Variants in FAM13C observed in about 807,000 individuals in gnomAD.
FAM13C encodes protein FAM13C.
A neutral mutation model predicts 73.2 loss-of-function variants in FAM13C; 37 were observed. The ratio of observed to expected loss-of-function variants is 0.51; its 90% CI spans 0.39 to 0.67. The LOEUF (loss-of-function observed/expected upper bound fraction) is 0.67, where lower values mean the gene tolerates loss of function less well. Among genes scored for constraint, FAM13C ranks in the 30% least tolerant of loss-of-function variants. FAM13C has a pLI of 0.00. For synonymous variants in FAM13C, 246 were observed against 260.9 expected, an observed-to-expected ratio of 0.94 and a Z score of 0.55; for missense variants, 589 against 715.6, an observed-to-expected ratio of 0.82 and a Z score of 2.02.
At chr10:59,274,129 GC>G (rs1056264892) in intron 6 of FAM13C, among the ~76,000 whole-genome samples, 2 of 152,154 alleles carry the variant, frequency 1.3e-5, no homozygotes, top group Non-Finnish European at 2.9e-5. Flanking sequence ...TTCTCAACCA[GC>G]CTCTCTCAGG....
rs1217412470 is a variant in FAM13C at position 59,247,667 on chromosome 10, G to A, written c.1705C>T (p.Leu569=). The A allele has an allele frequency of 1.2e-6, 2 of 1,613,412 alleles. No homozygotes were observed. The highest frequency in any genetic ancestry group is 1.7e-6 in the Non-Finnish European group (2 of 1,179,634). ...YYEYKHIKAK[L]RLLEVLISKQ... is the part of the protein sequence containing the mutation. ...CTGATGAGGACCTCTAATAGTCTCA[G>A]TTTGGCTTTTATGTGCTTATATTCA... Residue 569 remains leucine (L), a synonymous_variant, in exon 14 of 14, where the codon CTG becomes TTG. Coordinates refer to ENST00000618804, the MANE Select transcript of FAM13C (RefSeq NM_198215.4).
At chr10:59,290,697 C>T (rs1269895414) in intron 5 of FAM13C, among the ~76,000 whole-genome samples, 2 of 152,158 alleles carry the variant, frequency 1.3e-5, no homozygotes, top group Non-Finnish European at 1.5e-5. Context: ...ACAAGGCTCG[C>T]CACATTATGT....
chr10:59,332,281 T>C (rs915363880), intron 3 of FAM13C, among the ~76,000 whole-genome samples: 1 of 152,176 alleles, frequency 6.6e-6, no homozygotes, highest in African/African-American at 2.4e-5. Flanking sequence ...AGTTATGGTT[T>C]TTTTATGTGG....
At chr10:59,252,725 C>T in intron 12 of FAM13C, 74 bp downstream of exon 12, 1 of 1,472,366 alleles carries the variant, frequency 6.8e-7, no homozygotes, top group Non-Finnish European at 9.5e-7. Flanking sequence ...TTTCAAAGGC[C>T]AGCTCTACTT....
chr10:59,271,121 C>T (rs1843674047), intron 6 of FAM13C, among the ~76,000 whole-genome samples: 2 of 152,200 alleles, frequency 1.3e-5, no homozygotes, highest in Non-Finnish European at 2.9e-5. Flanking sequence ...AGCCCAGTCT[C>T]CTTCTCAAGT....
intron 4 of FAM13C, among the ~76,000 whole-genome samples, chr10:59,307,996 T>G (rs1848455608): frequency 6.6e-6 from 1 of 152,200 alleles, no homozygotes; most frequent in African/African-American, 2.4e-5. Flanking sequence ...TTAACGATAC[T>G]GCTTGAACCA....
intron 5 of FAM13C, among the ~76,000 whole-genome samples, chr10:59,287,459 A>T (rs1845736341): frequency 6.6e-6 from 1 of 150,966 alleles, no homozygotes; most frequent in African/African-American, 2.4e-5. Flanking sequence ...TTCTTTCTTT[A>T]ACTTTACCTT....
At chr10:59,362,256 G>C in intron 1 of FAM13C, 143 bp downstream of exon 1, 1 of 1,163,828 alleles carries the variant, frequency 8.6e-7, no homozygotes, top group South Asian at 1.4e-5. Flanking sequence ...CAGTCAGCAC[G>C]TCTCACGGTC....
At chr10:59,356,769 G>A (rs533408007) in intron 1 of FAM13C, among the ~76,000 whole-genome samples, 2 of 152,324 alleles carry the variant, frequency 1.3e-5, no homozygotes, top group South Asian at 2.1e-4. Context: ...GTGTGTCTGT[G>A]AGGGTGTTGC....
Position 59,346,786 on chromosome 10 carries a change from C to T in FAM13C, c.324+5484G>A, listed in dbSNP as rs536482141. Among the ~76,000 whole-genome samples the T allele has an allele frequency of 2.0e-5, 3 of 152,196 alleles. No individual in the cohort carries two copies. The East Asian group carries it at 5.8e-4, about 29-fold the overall frequency. On this transcript the variant is annotated intron_variant, in intron 3 of 13. Coordinates refer to ENST00000618804, the MANE Select transcript of FAM13C (RefSeq NM_198215.4). ...TTTATGATTTACATGGTGATCAATA[C>T]AGGATCATTGTTAATTTTTCACAAA...
At chr10:59,252,231 A>G (rs943123928) in intron 12 of FAM13C, among the ~76,000 whole-genome samples, 6 of 152,184 alleles carry the variant, frequency 3.9e-5, no homozygotes, top group Admixed American at 3.9e-4. Flanking sequence ...TCTGGTATAT[A>G]CACAAGCATA....
chr10:59,326,232 A>G (rs989829950), intron 3 of FAM13C, among the ~76,000 whole-genome samples: 6 of 151,990 alleles, frequency 3.9e-5, no homozygotes, highest in African/African-American at 1.2e-4. Context: ...CAAGAGAAGA[A>G]CTCTTCTCTA....
At chr10:59,344,660 A>G (rs1446687989) in intron 3 of FAM13C, among the ~76,000 whole-genome samples, 1 of 152,160 alleles carries the variant, frequency 6.6e-6, no homozygotes, top group Non-Finnish European at 1.5e-5. Context: ...ACCTCTTAAG[A>G]TAGATACAAT....
At chr10:59,285,801 T>C (rs756417948) in intron 5 of FAM13C, among the ~76,000 whole-genome samples, 5 of 152,100 alleles carry the variant, frequency 3.3e-5, no homozygotes, top group Non-Finnish European at 7.4e-5. Context: ...GAGGAAGCAA[T>C]ACCAGGGAGA....
chr10:59,314,364 G>A (rs1849283216), intron 4 of FAM13C, among the ~76,000 whole-genome samples: 1 of 152,154 alleles, frequency 6.6e-6, no homozygotes, highest in East Asian at 1.9e-4. Context: ...CAGTAGCTCT[G>A]GGAAGTAGAT....
chr10:59,265,904 A>G (rs1843012224), intron 8 of FAM13C, among the ~76,000 whole-genome samples: 1 of 152,194 alleles, frequency 6.6e-6, no homozygotes, highest in Non-Finnish European at 1.5e-5. Context: ...TAAGTGAAAT[A>G]TTCTGATTCA....
intron 10 of FAM13C, among the ~76,000 whole-genome samples, chr10:59,258,966 C>T (rs1281114141): frequency 1.3e-5 from 2 of 152,098 alleles, no homozygotes; most frequent in African/African-American, 2.4e-5. Context: ...GAGCTGTGCA[C>T]CTGACCCCAC....
intron 5 of FAM13C, among the ~76,000 whole-genome samples, chr10:59,302,088 A>G (rs1169150245): frequency 6.6e-6 from 1 of 152,184 alleles, no homozygotes; most frequent in Admixed American, 6.5e-5. Context: ...TCTCTTTGCT[A>G]TGACCTTAAT....
chr10:59,334,330 T>G (rs969002609), intron 3 of FAM13C, among the ~76,000 whole-genome samples: 3 of 152,222 alleles, frequency 2.0e-5, no homozygotes, highest in Non-Finnish European at 4.4e-5. Context: ...ATAGACATTT[T>G]GAAAATAGTG....
Sources: allele counts gnomAD v4.1 joint callset (sites outside exome capture counted in the v4.1 genomes callset), GRCh38; gene constraint gnomAD v4.1.1; transcripts MANE v1.5; gene names NCBI Gene and HGNC (gene_info 2026-07-23, HGNC 2026-07-21).